PDE7B: variants seen among roughly 807,000 people sequenced by gnomAD.
PDE7B encodes phosphodiesterase 7B.
In PDE7B, 29 loss-of-function variants were observed where a neutral mutation model predicts 56.2. The observed-to-expected ratio is 0.52, with a 90% CI of 0.38 to 0.70. The LOEUF is 0.70. PDE7B is among the 30% of genes least tolerant of loss of function. PDE7B has a pLI of 0.00. For missense variants in PDE7B, 490 were observed against 565.0 expected, an observed-to-expected ratio of 0.87 and a Z score of 1.35; for synonymous variants, 197 against 196.9, an observed-to-expected ratio of 1.00 and a Z score of 0.00.
At chr6:135,903,512 G>C (rs9389342) in intron 1 of PDE7B, among the ~76,000 whole-genome samples, 11 of 152,014 alleles carry the variant, frequency 7.2e-5, no homozygotes, top group African/African-American at 2.2e-4. Flanking sequence ...AGCTCTAAAA[G>C]TTGTTTAGGG....
chr6:136,076,560 CAA>C (rs1262442383), intron 2 of PDE7B, among the ~76,000 whole-genome samples: 3 of 152,224 alleles, frequency 2.0e-5, no homozygotes, highest in Non-Finnish European at 4.4e-5. Context: ...AGACAGGAAA[CAA>C]GAGAACTGGG....
chr6:136,130,893 C>T lies in PDE7B; in HGVS notation c.167-16458C>T, dbSNP rs116292029. 3.3e-3 allele frequency among the ~76,000 whole-genome samples: 499 copies of T among 152,244 alleles called. 3 individuals are homozygous for T. Among genetic ancestry groups the T allele is most frequent in the African/African-American group, 0.011 (473 of 41,538 alleles). On this transcript the variant is annotated intron_variant, in intron 3 of 12. Transcript: ENST00000308191. Reference sequence around the variant, plus strand: ...GTGAAAGGGGTTCCCCCTTATCAGACCATCAGATCTCATGAGACTTATTTA... The same window carrying T: ...GTGAAAGGGGTTCCCCCTTATCAGATCATCAGATCTCATGAGACTTATTTA...
intron 1 of PDE7B, among the ~76,000 whole-genome samples, chr6:135,866,965 C>T (rs531915294): frequency 2.6e-5 from 4 of 152,204 alleles, no homozygotes; most frequent in Non-Finnish European, 4.4e-5. Flanking sequence ...TTGCCTCTGG[C>T]GGTTTGTCAG....
intron 1 of PDE7B, among the ~76,000 whole-genome samples, chr6:135,866,693 A>C (rs1313202312): frequency 6.6e-6 from 1 of 152,236 alleles, no homozygotes; most frequent in African/African-American, 2.4e-5. Flanking sequence ...ATTAGCTCAT[A>C]GCAACTTTCT....
At chr6:136,087,711 T>C (rs1402810604) in intron 2 of PDE7B, among the ~76,000 whole-genome samples, 1 of 152,126 alleles carries the variant, frequency 6.6e-6, no homozygotes, top group African/African-American at 2.4e-5. Flanking sequence ...AGAAGGAAGG[T>C]GAAAAAGAAT....
intron 1 of PDE7B, among the ~76,000 whole-genome samples, chr6:135,906,836 T>TTA (rs1554265658): frequency 1.9e-4 from 28 of 145,170 alleles, no homozygotes; most frequent in Non-Finnish European, 3.4e-4. Flanking sequence ...TTTTTTTTTT[T>TTA]AATCCTCTAG....
At chr6:136,063,717 G>A (rs1252360540) in intron 2 of PDE7B, among the ~76,000 whole-genome samples, 1 of 152,030 alleles carries the variant, frequency 6.6e-6, no homozygotes, top group Non-Finnish European at 1.5e-5. Flanking sequence ...CAACAAAACC[G>A]CACAGTTCGT....
intron 2 of PDE7B, among the ~76,000 whole-genome samples, chr6:136,010,516 C>T (rs201795863): frequency 6.6e-6 from 1 of 151,824 alleles, no homozygotes; most frequent in Admixed American, 6.6e-5. Context: ...AGCGATTCTC[C>T]TGCCTCAGCT....
chr6:136,148,448 G>C (rs2128446892), intron 4 of PDE7B, among the ~76,000 whole-genome samples: 1 of 146,100 alleles, frequency 6.8e-6, no homozygotes, highest in Admixed American at 6.9e-5. Flanking sequence ...GAGGAGGGTG[G>C]GAGGGAGGGA....
chr6:136,035,719 C>T (rs1230621357), intron 2 of PDE7B, among the ~76,000 whole-genome samples: 1 of 152,146 alleles, frequency 6.6e-6, no homozygotes, highest in East Asian at 1.9e-4. Context: ...TATTCGTGCT[C>T]AGTGATCCAA....
At chr6:136,149,825 CTT>C (rs1778481628) in intron 5 of PDE7B, among the ~76,000 whole-genome samples, 1 of 152,166 alleles carries the variant, frequency 6.6e-6, no homozygotes, top group Non-Finnish European at 1.5e-5. Flanking sequence ...TGATAGGTCT[CTT>C]TTAAGTCATT....
At chr6:136,157,246 T>A (rs1358234412) in intron 8 of PDE7B, among the ~76,000 whole-genome samples, 1 of 152,154 alleles carries the variant, frequency 6.6e-6, no homozygotes, top group African/African-American at 2.4e-5. Context: ...ACAGCTCTCC[T>A]ACAATGCTCC....
At chr6:135,906,769 C>T (rs1009507953) in intron 1 of PDE7B, among the ~76,000 whole-genome samples, 2 of 125,344 alleles carry the variant, frequency 1.6e-5, no homozygotes, top group African/African-American at 6.1e-5. Flanking sequence ...ATAGCAGAAA[C>T]ATTTACATGT....
chr6:136,097,553 T>C (rs1777488604), intron 2 of PDE7B, among the ~76,000 whole-genome samples: 1 of 152,204 alleles, frequency 6.6e-6, no homozygotes, highest in South Asian at 2.1e-4. Context: ...AGTCATTCTT[T>C]ACCCTTCCAT....
intron 1 of PDE7B, among the ~76,000 whole-genome samples, chr6:135,934,740 ATAT>A (rs1439319901): frequency 3.2e-5 from 3 of 93,864 alleles, no homozygotes; most frequent in Non-Finnish European, 6.1e-5. Context: ...AAAAAAAAAA[ATAT>A]ATATATATAT....
At chr6:136,117,511 A>T (rs1005640257) in intron 3 of PDE7B, among the ~76,000 whole-genome samples, 4 of 152,242 alleles carry the variant, frequency 2.6e-5, no homozygotes, top group Non-Finnish European at 5.9e-5. Flanking sequence ...ACAAGATCAA[A>T]AAGACCTTTT....
chr6:136,006,124 A>C (rs1054141432), intron 2 of PDE7B, among the ~76,000 whole-genome samples: 2 of 147,066 alleles, frequency 1.4e-5, no homozygotes, highest in Non-Finnish European at 3.0e-5. Context: ...CAAACACTGC[A>C]TGTTCTCACT....
intron 1 of PDE7B, among the ~76,000 whole-genome samples, chr6:135,928,511 A>G (rs985079045): frequency 1.5e-5 from 2 of 131,976 alleles, no homozygotes; most frequent in East Asian, 2.2e-4. Flanking sequence ...TTATATATAT[A>G]TATTTATTTA....
At chr6:136,138,779 G>A (rs989496344) in intron 3 of PDE7B, among the ~76,000 whole-genome samples, 1 of 152,030 alleles carries the variant, frequency 6.6e-6, no homozygotes, top group Admixed American at 6.6e-5. Context: ...ATATCTACTT[G>A]CCCATCTGAG....
Sources: gnomAD v4.1 joint callset for allele counts (sites outside exome capture counted in the v4.1 genomes callset) on GRCh38, gnomAD v4.1.1 for gene constraint, MANE v1.5 for transcripts, NCBI Gene and HGNC (gene_info 2026-07-23, HGNC 2026-07-21) for gene names.